STK3: variants seen among roughly 807,000 people sequenced by gnomAD.
STK3 encodes serine/threonine kinase 3.
STK3 carries 41 observed loss-of-function variants against 58.0 expected under a neutral mutation model. The observed-to-expected ratio is 0.71, with a 90% CI of 0.55 to 0.92. The LOEUF is 0.92. Ranked by LOEUF, STK3 falls within the 40% of genes least tolerant of loss-of-function variation. The pLI is 0.00. For synonymous variants in STK3, 170 were observed against 191.0 expected (o/e 0.89, Z 0.91); for missense variants, 479 against 602.7 (o/e 0.79, Z 2.15).
intron 4 of STK3, among the ~76,000 whole-genome samples, chr8:98,741,245 C>G (rs1829179401): frequency 6.6e-6 from 1 of 152,298 alleles, no homozygotes; most frequent in Non-Finnish European, 1.5e-5. Context: ...CCAAGTGGAC[C>G]TAATAGACAT....
At chr8:98,786,438 C>T (rs1365786605) in intron 1 of STK3, among the ~76,000 whole-genome samples, 2 of 152,102 alleles carry the variant, frequency 1.3e-5, no homozygotes, top group African/African-American at 2.4e-5. Flanking sequence ...GTTCTAGCTA[C>T]TTGGGAGGCT....
At chr8:98,606,239 T>C (rs1387733598) in intron 6 of STK3, 1 of 152,204 alleles carries the variant, frequency 6.6e-6, no homozygotes, top group Non-Finnish European at 1.5e-5. Context: ...TCCAATTTAC[T>C]TCATGGTTTA....
chr8:98,861,169 GC>G (rs369523589), intron 3 of STK3, among the ~76,000 whole-genome samples: 226 of 152,138 alleles, frequency 1.5e-3, no homozygotes, highest in African/African-American at 5.2e-3. Context: ...TGGGACAGGG[GC>G]TGCAAGGCTA....
At chr8:98,708,265 T>TA (rs1270519949) in intron 4 of STK3, among the ~76,000 whole-genome samples, 2 of 152,190 alleles carry the variant, frequency 1.3e-5, no homozygotes, top group Non-Finnish European at 2.9e-5. Flanking sequence ...CTATCACAGC[T>TA]AATATCTGTT....
chr8:98,901,501 C>T (rs971592091), intron 1 of STK3, among the ~76,000 whole-genome samples: 3 of 152,204 alleles, frequency 2.0e-5, no homozygotes, highest in African/African-American at 7.2e-5. Flanking sequence ...GAAGGCTCTG[C>T]TAGGCTCTCT....
At position 98,611,664 on chromosome 8, in the gene STK3, C is replaced by T. The variant is rs548316200; in HGVS notation, c.685-15495G>A. On this transcript the variant is annotated intron_variant, in intron 6 of 10. Transcript: ENST00000419617. Reference sequence around the variant, plus strand: ...TGATTCACAAGCAACCAACCAATTCCAAACTCTATGCCAGTGGTTCTTAAC... The same window carrying T: ...TGATTCACAAGCAACCAACCAATTCTAAACTCTATGCCAGTGGTTCTTAAC... Among the ~76,000 whole-genome samples the T allele has an allele frequency of 3.3e-4, 50 of 152,236 alleles. 2 individuals carry two copies. In the South Asian group the frequency reaches 0.01, roughly 32 times the overall value.
chr8:98,626,800 C>T (rs1414013068), intron 6 of STK3, among the ~76,000 whole-genome samples: 5 of 152,140 alleles, frequency 3.3e-5, no homozygotes, highest in Non-Finnish European at 5.9e-5. Flanking sequence ...ACCAATCTTC[C>T]TCCTCTTGGA....
chr8:98,372,910 T>C (rs1044906767), intron 2 of STK3, among the ~76,000 whole-genome samples: 4 of 152,216 alleles, frequency 2.6e-5, no homozygotes, highest in African/African-American at 9.7e-5. Flanking sequence ...GAGGTTATGA[T>C]GAGAATTGAA....
intron 1 of STK3, among the ~76,000 whole-genome samples, chr8:98,913,460 T>C (rs895024586): frequency 2.0e-5 from 3 of 152,224 alleles, no homozygotes; most frequent in Non-Finnish European, 4.4e-5. Context: ...TAGCTGGAGT[T>C]GCATAATCTT....
intron 1 of STK3, among the ~76,000 whole-genome samples, chr8:98,794,369 C>T (rs1290471268): frequency 3.3e-5 from 5 of 152,006 alleles, no homozygotes; most frequent in Admixed American, 3.3e-4. Flanking sequence ...TACAAAAGTT[C>T]CTTAGGGACA....
chr8:98,689,190 T>C (rs1824224922), intron 6 of STK3, among the ~76,000 whole-genome samples: 1 of 151,750 alleles, frequency 6.6e-6, no homozygotes, highest in Non-Finnish European at 1.5e-5. Flanking sequence ...ACACAAAACC[T>C]CCAAGATTGA....
rs1384057061 is a variant in STK3 at position 98,735,458 on chromosome 8, G to A, written c.351+13818C>T. Among the ~76,000 whole-genome samples, 7 of 152,028 alleles carry A rather than the reference G, an allele frequency of 4.6e-5. No individual in the cohort carries two copies. In the East Asian group the frequency reaches 7.7e-4, roughly 17 times the overall value. ...ATCAGTTACTGAATGTGAATGATAC[G>A]AGGACTTGAGCTGTGTTTGTGAGTC... On this transcript the variant is annotated intron_variant, in intron 4 of 10. Transcript: ENST00000419617.
intron 4 of STK3, among the ~76,000 whole-genome samples, chr8:98,713,123 A>G (rs950774013): frequency 3.9e-5 from 6 of 152,204 alleles, no homozygotes; most frequent in Non-Finnish European, 5.9e-5. Flanking sequence ...TCTCCGGGAC[A>G]CATTCAAAGC....
intron 1 of STK3, chr8:98,782,356 C>A (rs1014933800): frequency 1.1e-4 from 21 of 191,532 alleles, no homozygotes; most frequent in Non-Finnish European, 2.0e-4. Context: ...GCATCAGCTG[C>A]TCAAAGATAC....
chr8:98,573,595 C>T lies in STK3; in HGVS notation c.948+6069G>A, dbSNP rs375015595. ...AACCATATCATTCTGCCCCTGCCCC[C>T]TCCCAAATCTCATGTCCTCACATTT... is the stretch of plus-strand genomic sequence containing the variant. On this transcript the variant is annotated intron_variant, in intron 8 of 10. Coordinates refer to ENST00000419617, the MANE Select transcript of STK3 (RefSeq NM_006281.4). Among the ~76,000 whole-genome samples, 7 of 152,012 alleles carry T rather than the reference C, an allele frequency of 4.6e-5. No individual in the cohort carries two copies. In the South Asian group the frequency reaches 8.3e-4, roughly 18 times the overall value.
In STK3 at chr8:98,405,569, C is replaced by T. The variant is rs6989931; in HGVS notation, n.484-4056G>A. 1.4e-3 allele frequency among the ~76,000 whole-genome samples: 213 copies of T among 152,284 alleles called. 1 individual carries two copies. The highest frequency in any genetic ancestry group is 4.2e-3 in the African/African-American group (176 of 41,542). On this transcript the variant is annotated intron_variant and non_coding_transcript_variant, in intron 3 of 3. Transcript: ENST00000517832. ...CCTCCGTCATGGCCTAGAACCTAGACGCCTCAGAGCCTAATTAGCAGTGGG... is the reference window on the plus strand; with the variant it reads ...CCTCCGTCATGGCCTAGAACCTAGATGCCTCAGAGCCTAATTAGCAGTGGG...
intron 7 of STK3, among the ~76,000 whole-genome samples, chr8:98,581,338 G>A (rs1295793614): frequency 6.6e-6 from 1 of 152,166 alleles, no homozygotes; most frequent in Non-Finnish European, 1.5e-5. Context: ...CAACAGGGAG[G>A]TTGTTGGGTT....
At chr8:98,614,514 A>G (rs891861757) in intron 6 of STK3, among the ~76,000 whole-genome samples, 1 of 152,184 alleles carries the variant, frequency 6.6e-6, no homozygotes, top group Non-Finnish European at 1.5e-5. Context: ...GCGATGCAGA[A>G]GATGGGTGAT....
chr8:98,662,974 G>T (rs1395631709), intron 6 of STK3, among the ~76,000 whole-genome samples: 1 of 152,108 alleles, frequency 6.6e-6, no homozygotes, highest in Admixed American at 6.5e-5. Flanking sequence ...CATGGGCAAG[G>T]ACTTCACGTC....
Sources: allele counts gnomAD v4.1 joint callset (sites outside exome capture counted in the v4.1 genomes callset), GRCh38; gene constraint gnomAD v4.1.1; transcripts MANE v1.5; gene names NCBI Gene and HGNC (gene_info 2026-07-23, HGNC 2026-07-21).